CDH23: variants seen among roughly 807,000 people sequenced by gnomAD.
CDH23 encodes cadherin related 23.
Under a neutral mutation model 317.1 loss-of-function variants are expected in CDH23, and 189 were observed. The ratio of observed to expected loss-of-function variants is 0.60; its 90% confidence interval spans 0.53 to 0.67. CDH23 has a LOEUF of 0.67. CDH23 is among the 30% of genes least tolerant of loss of function. CDH23 has a pLI of 0.00. For missense variants in CDH23, 4,401 were observed against 4,592.4 expected (o/e 0.96, Z 1.20); for synonymous variants, 1,839 against 1,876.8 (o/e 0.98, Z 0.52).
intron 30 of CDH23, among the ~76,000 whole-genome samples, chr10:71,726,975 C>A (rs1215158657): frequency 1.3e-5 from 2 of 152,200 alleles, no homozygotes; most frequent in African/African-American, 2.4e-5. Flanking sequence ...AGATCGAAGC[C>A]AGACTGTGAC....
chr10:71,518,224 C>T (rs918213179), intron 6 of CDH23, among the ~76,000 whole-genome samples: 2 of 152,194 alleles, frequency 1.3e-5, no homozygotes, highest in Non-Finnish European at 2.9e-5. Flanking sequence ...AAGACAAATT[C>T]ACTGACTTCT....
At chr10:71,802,761 A>AAC in intron 53 of CDH23, 137 bp from the exon 54 acceptor site, 1 of 900,606 alleles carries the variant, frequency 1.1e-6, no homozygotes, top group Non-Finnish European at 1.7e-6. Context: ...GTCAGACTCC[A>AAC]ACACATTAGA....
At chr10:71,811,867 C>T in intron 65 of CDH23, 88 bp from the exon 66 acceptor site, 9 of 1,594,028 alleles carry the variant, frequency 5.6e-6, no homozygotes, top group Non-Finnish European at 6.8e-6. Flanking sequence ...AGGACCATGC[C>T]CCGCACCCCA....
intron 55 of CDH23, among the ~76,000 whole-genome samples, chr10:71,804,369 G>A (rs1291459110): frequency 2.0e-5 from 3 of 152,146 alleles, no homozygotes; most frequent in Non-Finnish European, 4.4e-5. Flanking sequence ...TAAAGATAGG[G>A]GAAGTATTCC....
chr10:71,499,292 T>C (rs1853147819), intron 3 of CDH23, among the ~76,000 whole-genome samples: 1 of 152,152 alleles, frequency 6.6e-6, no homozygotes, highest in South Asian at 2.1e-4. Context: ...AAAATATAGT[T>C]AGCTCACACC....
chr10:71,577,872 G>A, intron 8 of CDH23, 42 bp from the exon 9 acceptor site: 6 of 1,514,564 alleles, frequency 4.0e-6, no homozygotes, highest in Admixed American at 1.9e-5. Flanking sequence ...AAAGACAGCA[G>A]CCAGGGGACC....
intron 1 of CDH23, among the ~76,000 whole-genome samples, chr10:71,417,328 C>T (rs1178624119): frequency 2.6e-5 from 4 of 152,100 alleles, no homozygotes; most frequent in Non-Finnish European, 4.4e-5. Flanking sequence ...CCGCCTGCCT[C>T]GGCCTCCCAA....
At chr10:71,668,750 T>G (rs1044441970) in intron 14 of CDH23, among the ~76,000 whole-genome samples, 5 of 152,224 alleles carry the variant, frequency 3.3e-5, no homozygotes, top group Non-Finnish European at 7.3e-5. Context: ...AGACTGGCAT[T>G]GCTGACTCAG....
At chr10:71,668,795 C>T (rs2132650989) in intron 14 of CDH23, among the ~76,000 whole-genome samples, 1 of 152,344 alleles carries the variant, frequency 6.6e-6, no homozygotes, top group South Asian at 2.1e-4. Context: ...AATTCCCCCA[C>T]CACAGGCTCC....
intron 6 of CDH23, among the ~76,000 whole-genome samples, chr10:71,535,885 G>A (rs919365655): frequency 6.6e-6 from 1 of 152,234 alleles, no homozygotes; most frequent in Non-Finnish European, 1.5e-5. Flanking sequence ...GTGTTGAGTT[G>A]GGACACAGGG....
chr10:71,444,197 G>GGCTACCATTTATGGAGTGCTT (rs1407624184), intron 2 of CDH23, among the ~76,000 whole-genome samples: 2 of 152,278 alleles, frequency 1.3e-5, no homozygotes, highest in Admixed American at 1.3e-4. Flanking sequence ...TGTTAATACT[G>GGCTACCATTTATGGAGTGCTT]GCTACCATTT....
intron 41 of CDH23, among the ~76,000 whole-genome samples, chr10:71,783,367 T>A (rs992086100): frequency 6.6e-6 from 1 of 152,228 alleles, no homozygotes; most frequent in Non-Finnish European, 1.5e-5. Flanking sequence ...TGGTGCTGTC[T>A]GGAAAGAACA....
chr10:71,732,851 C>A, intron 32 of CDH23: 1 of 304,022 alleles, frequency 3.3e-6, no homozygotes, highest in Non-Finnish European at 5.1e-6. Flanking sequence ...CTCTTGACAC[C>A]AGCTGGGAAT....
At chr10:71,485,844 A>G (rs1172664901) in intron 3 of CDH23, among the ~76,000 whole-genome samples, 1 of 152,224 alleles carries the variant, frequency 6.6e-6, no homozygotes, top group Non-Finnish European at 1.5e-5. Context: ...CCACATTTGA[A>G]CAGGAGGTTG....
chr10:71,789,901 G>A (rs1020411890), intron 45 of CDH23, among the ~76,000 whole-genome samples: 4 of 152,332 alleles, frequency 2.6e-5, no homozygotes, highest in East Asian at 3.9e-4. Flanking sequence ...GTATGGCCAG[G>A]CCCCCAAAGG....
At chr10:71,613,514 T>G (rs559066080) in intron 9 of CDH23, among the ~76,000 whole-genome samples, 1 of 152,160 alleles carries the variant, frequency 6.6e-6, no homozygotes, top group Non-Finnish European at 1.5e-5. Flanking sequence ...GCCCAGCCCA[T>G]ACAGTGGACT....
intron 3 of CDH23, among the ~76,000 whole-genome samples, chr10:71,468,855 G>A (rs985228944): frequency 2.6e-5 from 4 of 152,128 alleles, no homozygotes; most frequent in East Asian, 1.9e-4. Context: ...CTCCACGCAC[G>A]CCTCTGTTCC....
intron 11 of CDH23, among the ~76,000 whole-genome samples, chr10:71,621,818 C>T (rs1861479295): frequency 6.6e-6 from 1 of 152,176 alleles, no homozygotes; most frequent in South Asian, 2.1e-4. Context: ...AACAAAGGTG[C>T]TTGAAAGCAG....
At chr10:71,609,030 C>G (rs1860698158) in intron 9 of CDH23, among the ~76,000 whole-genome samples, 1 of 152,142 alleles carries the variant, frequency 6.6e-6, no homozygotes, top group Non-Finnish European at 1.5e-5. Flanking sequence ...AGACCCAGCT[C>G]TGCTGTGGTT....
Sources: allele counts gnomAD v4.1 joint callset (sites outside exome capture counted in the v4.1 genomes callset), GRCh38; gene constraint gnomAD v4.1.1; transcripts MANE v1.5; gene names NCBI Gene and HGNC (gene_info 2026-07-23, HGNC 2026-07-21).